The following CLVS2 variants were observed in gnomAD, a reference collection of about 807,000 sequenced individuals.
The protein encoded by CLVS2 is clavesin-2.
Under a neutral mutation model 29.0 loss-of-function variants are expected in CLVS2, and 19 were observed. That is an observed-to-expected ratio of 0.66 (90% CI 0.46 to 0.96). The LOEUF is 0.96. CLVS2 is among the 40% of genes least tolerant of loss of function. The probability of loss-of-function intolerance (pLI) is 0.00; values close to 1 mark genes in which losing one functional copy is unlikely to be tolerated. For synonymous variants in CLVS2, 161 were observed against 151.3 expected, an observed-to-expected ratio of 1.06 and a Z score of -0.47; for missense variants, 294 against 404.1, an observed-to-expected ratio of 0.73 and a Z score of 2.34.
Position 122,997,719 on chromosome 6 carries a change from G to A in CLVS2, c.-59G>A, listed in dbSNP as rs1378918387. ...GGAGTCTGGTGGTGGCAAGGACCAG[G>A]TTTGCTTTGGGACAGTCAACAAGGT... On this transcript the variant is annotated 5_prime_UTR_variant, in exon 2 of 6. Coordinates refer to ENST00000275162, the MANE Select transcript of CLVS2 (RefSeq NM_001010852.4). 1.2e-5 allele frequency: 19 copies of A among 1,564,772 alleles called. No individual in the cohort carries two copies. The highest frequency in any genetic ancestry group is 1.6e-5 in the Non-Finnish European group (19 of 1,151,744).
At chr6:123,008,084 G>A (rs1774694766) in intron 2 of CLVS2, among the ~76,000 whole-genome samples, 1 of 152,198 alleles carries the variant, frequency 6.6e-6, no homozygotes, top group Non-Finnish European at 1.5e-5. Flanking sequence ...AGCCTGCTGA[G>A]CTGCTAATGG....
At chr6:123,063,484 C>T (rs1582668061) in intron 5 of CLVS2, among the ~76,000 whole-genome samples, 190 bp from the exon 6 acceptor site, 1 of 151,936 alleles carries the variant, frequency 6.6e-6, no homozygotes, top group African/African-American at 2.4e-5. Flanking sequence ...GGATTTTTTT[C>T]CTCACTCCAG....
At position 123,055,859 on chromosome 6, in the gene CLVS2, G is replaced by C. The variant is rs148805106; in HGVS notation, c.729G>C (p.Glu243Asp). Reference sequence around the variant, plus strand: ...GTCTACACCAACTAATTCATCCTGAGATCCTGCCCTCTGAGTTTGGAGGAA... The same window carrying C: ...GTCTACACCAACTAATTCATCCTGACATCCTGCCCTCTGAGTTTGGAGGAA... ...LNSLHQLIHP[E>D]ILPSEFGGML... The change falls in exon 5 of 6, where the codon GAG becomes GAC. Residue 243 changes from glutamate (E) to aspartate (D), a missense_variant. Glu to Asp is a conservative substitution (Grantham distance 45, BLOSUM62 2). This residue lies in a region of CLVS2 where 212 missense variants were observed against 336.4 expected (regional missense o/e 0.63). Coordinates refer to ENST00000275162, the MANE Select transcript of CLVS2 (RefSeq NM_001010852.4). 2.0e-4 allele frequency: 316 copies of C among 1,614,090 alleles called. 1 individual carries two copies. Among genetic ancestry groups the C allele is most frequent in the Admixed American group, 1.1e-3 (64 of 60,008 alleles).
Position 123,065,298 on chromosome 6 carries a change from A to G in CLVS2, c.*1537A>G, listed in dbSNP as rs1263817812. On this transcript the variant is annotated 3_prime_UTR_variant, in exon 6 of 6. Transcript: ENST00000275162. ...TTTACCATTAAAGTATTCTTTTGGA[A>G]GAAAAATATCTCAGAAACTCTTGGA... 1 of 151,878 alleles carries G rather than the reference A, an allele frequency of 6.6e-6. No homozygotes were observed. Among genetic ancestry groups the G allele is most frequent in the African/African-American group, 2.4e-5 (1 of 41,422 alleles). The allele number at this position is 151,878 out of a possible 1,614,324, so 9.4% of individuals were successfully genotyped here.
intron 3 of CLVS2, among the ~76,000 whole-genome samples, chr6:123,022,299 G>T (rs1160308444): frequency 3.9e-5 from 6 of 151,980 alleles, no homozygotes. Flanking sequence ...TTGGTTTCTA[G>T]TAGTGTTGAA....
chr6:123,008,220 TATAAAAATCATTTG>T, intron 2 of CLVS2, among the ~76,000 whole-genome samples: 1 of 152,284 alleles, frequency 6.6e-6, no homozygotes, highest in South Asian at 2.1e-4. Context: ...ATGTAATTTT[TATAAAAATCATTTG>T]ATTCTCTTCT....
chr6:123,004,629 C>T (rs1386880479), intron 2 of CLVS2, among the ~76,000 whole-genome samples: 1 of 152,112 alleles, frequency 6.6e-6, no homozygotes, highest in Non-Finnish European at 1.5e-5. Context: ...AAAAGCAGAC[C>T]AGGCCAGGCA....
intron 2 of CLVS2, 51 bp downstream of exon 2, chr6:122,998,217 G>C (rs1774540873): frequency 1.9e-6 from 3 of 1,551,060 alleles, no homozygotes. Context: ...CCATTTTCCA[G>C]AATTTACCCC....
chr6:123,042,389 G>A (rs923824784), intron 3 of CLVS2, among the ~76,000 whole-genome samples: 14 of 151,988 alleles, frequency 9.2e-5, no homozygotes, highest in Non-Finnish European at 1.8e-4. Context: ...GGTGAAATTT[G>A]GCTTCTACAC....
intron 3 of CLVS2, among the ~76,000 whole-genome samples, chr6:123,013,263 A>G (rs970612549): frequency 6.6e-6 from 1 of 152,080 alleles, no homozygotes; most frequent in Non-Finnish European, 1.5e-5. Flanking sequence ...AAATAAGACC[A>G]CAAAATGTTT....
At chr6:123,010,788 A>T (rs898836078) in intron 2 of CLVS2, among the ~76,000 whole-genome samples, 197 bp from the exon 3 acceptor site, 28 of 152,082 alleles carry the variant, frequency 1.8e-4, no homozygotes, top group Admixed American at 1.8e-3. Flanking sequence ...GTTTGGGCAG[A>T]ATACATGTTA....
At chr6:123,033,604 T>A (rs1178606773) in intron 3 of CLVS2, among the ~76,000 whole-genome samples, 1 of 151,974 alleles carries the variant, frequency 6.6e-6, no homozygotes, top group Non-Finnish European at 1.5e-5. Flanking sequence ...CAGCAAACTG[T>A]AGAACTTTTA....
At chr6:123,033,350 G>A (rs1056065052) in intron 3 of CLVS2, among the ~76,000 whole-genome samples, 3 of 151,968 alleles carry the variant, frequency 2.0e-5, no homozygotes, top group African/African-American at 7.2e-5. Context: ...TTAGAATGTG[G>A]AACTAACAAT....
At chr6:123,047,453 G>A (rs1772533455) in intron 3 of CLVS2, among the ~76,000 whole-genome samples, 1 of 152,048 alleles carries the variant, frequency 6.6e-6, no homozygotes, top group East Asian at 1.9e-4. Flanking sequence ...ATTATTCTCA[G>A]AGGTAGAAGT....
chr6:123,053,237 G>A (rs755686165), intron 4 of CLVS2, among the ~76,000 whole-genome samples: 1 of 152,038 alleles, frequency 6.6e-6, no homozygotes, highest in Non-Finnish European at 1.5e-5. Context: ...CCAGCTACTC[G>A]AGAGGCTGAG....
rs1462124962 is a variant in CLVS2, at chr6:122,997,599, G to A, written c.-179G>A. 6 of 639,446 alleles carry A rather than the reference G, an allele frequency of 9.4e-6. No homozygotes were observed. Among genetic ancestry groups the A allele is most frequent in the Non-Finnish European group, 1.6e-5 (6 of 368,852 alleles). The allele number at this position is 639,446 out of a possible 1,614,324, so 39.6% of individuals were successfully genotyped here. On this transcript the variant is annotated 5_prime_UTR_variant, in exon 2 of 6. Coordinates refer to ENST00000275162, the MANE Select transcript of CLVS2 (RefSeq NM_001010852.4). ...ACCCCCCGGCCCCCCCAGCTTTGCTGGGGGAAAGCAGGAGCAACAGGGCAC... is the reference window on the plus strand; with the variant it reads ...ACCCCCCGGCCCCCCCAGCTTTGCTAGGGGAAAGCAGGAGCAACAGGGCAC...
intron 3 of CLVS2, among the ~76,000 whole-genome samples, chr6:123,019,699 G>A (rs985097447): frequency 1.3e-5 from 2 of 151,912 alleles, no homozygotes; most frequent in Non-Finnish European, 2.9e-5. Context: ...CATTAGTCTG[G>A]GTTCTCCAAA....
rs1446267709 is a variant in CLVS2, at chr6:123,068,150, TAAC to T, written c.*4393_*4395del. On this transcript the variant is annotated 3_prime_UTR_variant, in exon 6 of 6. Transcript: ENST00000275162. ...CAGTACCATAGGAAAATATATAAGA[TAAC>T]AACTTTGTGGATTGAAACACTCAAA... The T allele has an allele frequency of 6.6e-6, 1 of 151,676 alleles. No individual in the cohort carries two copies. The highest frequency in any genetic ancestry group is 1.5e-5 in the Non-Finnish European group (1 of 67,696). 9.4% of individuals were successfully genotyped at this position (151,676 alleles called of 1,614,324 possible).
intron 3 of CLVS2, among the ~76,000 whole-genome samples, chr6:123,035,959 A>G (rs1414426687): frequency 1.3e-5 from 2 of 152,140 alleles, no homozygotes; most frequent in African/African-American, 4.8e-5. Context: ...GTGAAAGGAA[A>G]GACTGTAGAT....
Sources: gnomAD v4.1 joint callset for allele counts (sites outside exome capture counted in the v4.1 genomes callset) on GRCh38, gnomAD v4.1.1 for gene constraint, gnomAD v4.1.1 regional missense constraint, MANE v1.5 for transcripts, NCBI Gene and HGNC (gene_info 2026-07-23, HGNC 2026-07-21) for gene names.